Variants in PRKN observed in about 807,000 individuals in gnomAD.
PRKN encodes the protein parkin RBR E3 ubiquitin protein ligase.
Under a neutral mutation model 59.5 loss-of-function variants are expected in PRKN, and 56 were observed. The observed-to-expected ratio is 0.94, with a 90% confidence interval of 0.76 to 1.18. PRKN has a LOEUF of 1.18. Among genes scored for constraint, PRKN ranks in the 50% most tolerant of loss-of-function variants. The pLI, the probability that PRKN is intolerant of heterozygous loss-of-function variation, is 0.00. For missense variants in PRKN, 657 were observed against 596.4 expected (o/e 1.10, Z -1.06); for synonymous variants, 250 against 222.1 (o/e 1.13, Z -1.12).
At chr6:161,956,287 C>T (rs1458332844) in intron 6 of PRKN, among the ~76,000 whole-genome samples, 1 of 152,164 alleles carries the variant, frequency 6.6e-6, no homozygotes, top group East Asian at 1.9e-4. Context: ...TCACCAAAGG[C>T]TAACTCAGCG....
At chr6:161,871,849 T>C (rs1166683739) in intron 6 of PRKN, among the ~76,000 whole-genome samples, 2 of 152,166 alleles carry the variant, frequency 1.3e-5, no homozygotes, top group Non-Finnish European at 2.9e-5. Context: ...CTCCCGTGTA[T>C]ATTTGCATAT....
At chr6:161,974,408 G>C (rs1295785666) in intron 5 of PRKN, among the ~76,000 whole-genome samples, 1 of 152,114 alleles carries the variant, frequency 6.6e-6, no homozygotes, top group African/African-American at 2.4e-5. Context: ...CTGCTTCTTA[G>C]TTCCTTTCCC....
chr6:162,429,851 G>A (rs1440102186), intron 2 of PRKN, among the ~76,000 whole-genome samples: 9 of 152,074 alleles, frequency 5.9e-5, no homozygotes, highest in Admixed American at 4.6e-4. Context: ...CTAAATTCCC[G>A]AAGATTATGT....
rs200465933 is a variant in PRKN, at chr6:162,196,618, A to G, written c.534+4513T>C. ...TCAAGGTCACCATGCAAGAAAGAGG[A>G]TATTCTGATATGGAGATGAAGAAAA... On this transcript the variant is annotated intron_variant, in intron 4 of 11. Transcript: ENST00000366898. Among the ~76,000 whole-genome samples, 7 of 152,294 alleles carry G rather than the reference A, an allele frequency of 4.6e-5. No homozygotes were observed. The East Asian group carries it at 7.8e-4, about 17-fold the overall frequency.
intron 5 of PRKN, among the ~76,000 whole-genome samples, chr6:162,043,479 C>T (rs1393252247): frequency 2.6e-5 from 4 of 152,160 alleles, no homozygotes; most frequent in African/African-American, 9.7e-5. Flanking sequence ...TCAAAATTCA[C>T]TGATGTGCAG....
intron 7 of PRKN, among the ~76,000 whole-genome samples, chr6:161,780,810 A>C (rs1296305618): frequency 6.6e-6 from 1 of 152,218 alleles, no homozygotes; most frequent in East Asian, 1.9e-4. Context: ...GTAATAAACA[A>C]AATGAGTGTC....
At chr6:162,396,686 A>G (rs546429984) in intron 2 of PRKN, among the ~76,000 whole-genome samples, 48 of 152,316 alleles carry the variant, frequency 3.2e-4, no homozygotes, top group South Asian at 1.5e-3. Context: ...TTACAGAAAC[A>G]TAATTTTCTG....
At chr6:162,387,555 C>CACACACAGAG (rs1212726833) in intron 2 of PRKN, among the ~76,000 whole-genome samples, 6 of 95,576 alleles carry the variant, frequency 6.3e-5, no homozygotes, top group African/African-American at 1.6e-4. Context: ...CACACACACA[C>CACACACAGAG]AGAGAGAGAG....
intron 7 of PRKN, 130 bp from the exon 8 acceptor site, chr6:161,569,546 C>A: frequency 1.3e-6 from 1 of 796,504 alleles, no homozygotes; most frequent in Non-Finnish European, 2.2e-6. Flanking sequence ...ACCTGAAAAA[C>A]ACACATCTAA....
intron 5 of PRKN, among the ~76,000 whole-genome samples, chr6:162,042,894 T>C (rs1037119159): frequency 6.6e-6 from 1 of 152,180 alleles, no homozygotes; most frequent in Non-Finnish European, 1.5e-5. Flanking sequence ...AGTTCATTTT[T>C]ATAAGGCAGG....
At chr6:161,862,344 G>A (rs945971210) in intron 6 of PRKN, among the ~76,000 whole-genome samples, 1 of 152,168 alleles carries the variant, frequency 6.6e-6, no homozygotes, top group African/African-American at 2.4e-5. Context: ...TCCCTAAATT[G>A]TTCTAGCCTT....
At chr6:162,550,272 C>A (rs1191939712) in intron 1 of PRKN, among the ~76,000 whole-genome samples, 1 of 152,052 alleles carries the variant, frequency 6.6e-6, no homozygotes, top group East Asian at 1.9e-4. Flanking sequence ...TAGAAGCAGA[C>A]ACTAAGTGGA....
At chr6:161,508,319 C>T (rs1422900624) in intron 9 of PRKN, among the ~76,000 whole-genome samples, 1 of 152,186 alleles carries the variant, frequency 6.6e-6, no homozygotes, top group African/African-American at 2.4e-5. Flanking sequence ...ATGGAAAATG[C>T]CCCCAAAGGT....
intron 5 of PRKN, among the ~76,000 whole-genome samples, chr6:162,045,858 C>G (rs1784230409): frequency 6.6e-6 from 1 of 152,144 alleles, no homozygotes; most frequent in African/African-American, 2.4e-5. Context: ...TCCTGTGTAT[C>G]TGCACTGAGG....
intron 4 of PRKN, among the ~76,000 whole-genome samples, chr6:162,073,210 C>A (rs1032403575): frequency 6.6e-6 from 1 of 152,226 alleles, no homozygotes; most frequent in Non-Finnish European, 1.5e-5. Flanking sequence ...GAGAATTGTA[C>A]TCACGCTTAC....
intron 4 of PRKN, among the ~76,000 whole-genome samples, chr6:162,101,371 A>G (rs1779962220): frequency 6.6e-6 from 1 of 151,754 alleles, no homozygotes; most frequent in Non-Finnish European, 1.5e-5. Flanking sequence ...CGTCTTTGTC[A>G]AAAACCAATT....
chr6:162,574,725 T>C (rs1386659497), intron 1 of PRKN, among the ~76,000 whole-genome samples: 1 of 150,890 alleles, frequency 6.6e-6, no homozygotes, highest in African/African-American at 2.4e-5. Flanking sequence ...CAATAAGACA[T>C]ATAGCCCCTA....
At chr6:162,480,949 G>T (rs1199800856) in intron 1 of PRKN, among the ~76,000 whole-genome samples, 1 of 151,862 alleles carries the variant, frequency 6.6e-6, no homozygotes. Flanking sequence ...GGCACTACAG[G>T]TGTGCACCAC....
At chr6:161,666,554 A>T (rs1393017399) in intron 7 of PRKN, among the ~76,000 whole-genome samples, 1 of 152,154 alleles carries the variant, frequency 6.6e-6, no homozygotes, top group Non-Finnish European at 1.5e-5. Context: ...GCTGCCCCTC[A>T]CCACTACTTA....
Sources: allele counts gnomAD v4.1 joint callset (sites outside exome capture counted in the v4.1 genomes callset), GRCh38; gene constraint gnomAD v4.1.1; transcripts MANE v1.5; gene names NCBI Gene and HGNC (gene_info 2026-07-23, HGNC 2026-07-21).